Variants in ESRRG observed in about 807,000 individuals in gnomAD.
The protein encoded by ESRRG is estrogen related receptor gamma.
A neutral mutation model predicts 44.0 loss-of-function variants in ESRRG; 13 were observed. The ratio of observed to expected loss-of-function variants is 0.30; its 90% CI spans 0.19 to 0.47. The LOEUF (loss-of-function observed/expected upper bound fraction) is 0.47. Among genes scored for constraint, ESRRG ranks in the 20% least tolerant of loss-of-function variants. The pLI is 1.00. For missense variants in ESRRG, 395 were observed against 580.6 expected (o/e 0.68, Z 3.29); for synonymous variants, 215 against 214.6 (o/e 1.00, Z -0.02).
At chr1:216,612,536 C>A (rs75728947) in intron 3 of ESRRG, among the ~76,000 whole-genome samples, 1 of 152,122 alleles carries the variant, frequency 6.6e-6, no homozygotes, top group Non-Finnish European at 1.5e-5. Context: ...CTCTCCACCC[C>A]CCTCCTTTCT....
chr1:216,898,989 A>G (rs2058749603), intron 2 of ESRRG, among the ~76,000 whole-genome samples: 1 of 152,160 alleles, frequency 6.6e-6, no homozygotes, highest in African/African-American at 2.4e-5. Flanking sequence ...GGGGTAGAAC[A>G]GCACATTCTC....
At chr1:216,951,681 A>G (rs2066972375) in intron 1 of ESRRG, among the ~76,000 whole-genome samples, 1 of 151,378 alleles carries the variant, frequency 6.6e-6, no homozygotes, top group South Asian at 2.1e-4. Context: ...TTTAACTACT[A>G]TATAGCATAA....
At chr1:216,648,509 A>G (rs2068147242) in intron 3 of ESRRG, among the ~76,000 whole-genome samples, 1 of 152,212 alleles carries the variant, frequency 6.6e-6, no homozygotes. Context: ...ACTTTCACCA[A>G]CAATGTTTAA....
intron 5 of ESRRG, among the ~76,000 whole-genome samples, chr1:216,526,531 C>G (rs1450916880): frequency 6.6e-6 from 1 of 152,108 alleles, no homozygotes; most frequent in Non-Finnish European, 1.5e-5. Flanking sequence ...GAACCCAAAC[C>G]TCCTGCCACC....
chr1:216,984,514 T>G (rs2074543494), intron 1 of ESRRG, among the ~76,000 whole-genome samples: 1 of 152,190 alleles, frequency 6.6e-6, no homozygotes, highest in Admixed American at 6.5e-5. Context: ...CCTGATAATT[T>G]TAACCATTCC....
At chr1:217,096,004 A>G (rs1193186113) in intron 1 of ESRRG, among the ~76,000 whole-genome samples, 1 of 152,258 alleles carries the variant, frequency 6.6e-6, no homozygotes, top group African/African-American at 2.4e-5. Context: ...GTGAAAAATT[A>G]TAAATGTAAA....
Position 216,637,775 on chromosome 1 carries a change from G to GT in ESRRG, c.589+13197dup, listed in dbSNP as rs971262198. On this transcript the variant is annotated intron_variant, in intron 3 of 6. Transcript: ENST00000408911. ...GATCAAAACCAACATTATTCCTCAT[G>GT]TTTTTTTTTTCTCCTTTTTTTGGAT... Among the ~76,000 whole-genome samples the GT allele has an allele frequency of 2.9e-3, 430 of 147,088 alleles. 3 individuals are homozygous for GT. The highest frequency in any genetic ancestry group is 6.1e-3 in the Admixed American group (89 of 14,680).
intron 5 of ESRRG, among the ~76,000 whole-genome samples, chr1:216,528,158 A>G (rs912122124): frequency 3.3e-5 from 5 of 152,242 alleles, no homozygotes; most frequent in Admixed American, 6.5e-5. Flanking sequence ...ATACATCAAC[A>G]TATAACAAAA....
chr1:216,707,239 T>G (rs2082630065), intron 1 of ESRRG: 2 of 1,121,580 alleles, frequency 1.8e-6, no homozygotes, highest in South Asian at 3.1e-5. Context: ...AAAGCATTTT[T>G]TTTTCTTTTC....
At chr1:216,832,690 G>A (rs979143547) in intron 2 of ESRRG, among the ~76,000 whole-genome samples, 1 of 152,172 alleles carries the variant, frequency 6.6e-6, no homozygotes, top group Non-Finnish European at 1.5e-5. Context: ...CTGGCTGGGT[G>A]CAGTGGCTCA....
intron 1 of ESRRG, among the ~76,000 whole-genome samples, chr1:217,133,879 T>C (rs532737474): frequency 6.6e-6 from 1 of 152,096 alleles, no homozygotes; most frequent in Non-Finnish European, 1.5e-5. Context: ...TACTGAGACA[T>C]CGCACCTCCA....
chr1:217,131,222 C>A (rs780466154), intron 1 of ESRRG, among the ~76,000 whole-genome samples: 1 of 151,950 alleles, frequency 6.6e-6, no homozygotes, highest in African/African-American at 2.4e-5. Flanking sequence ...TTTTTAAACA[C>A]CTCAAAGAAA....
At chr1:216,541,584 GTGTGTGTGTGTGTGTGTGTGTGT>G (rs2052746021) in intron 5 of ESRRG, among the ~76,000 whole-genome samples, 3 of 147,800 alleles carry the variant, frequency 2.0e-5, no homozygotes, top group Admixed American at 6.7e-5. Context: ...GTGTGTGTGT[GTGTGTGTGTGTGTGTGTGTGTGT>G]ATGTGATCAG....
At chr1:217,073,195 G>GA (rs2090798059) in intron 1 of ESRRG, among the ~76,000 whole-genome samples, 1 of 19,498 alleles carries the variant, frequency 5.1e-5, no homozygotes, top group Non-Finnish European at 8.0e-5. Context: ...TTCCTTTCTG[G>GA]ACAAAAAAAA....
chr1:216,610,482 A>G (rs966271958), intron 3 of ESRRG, among the ~76,000 whole-genome samples: 6 of 152,130 alleles, frequency 3.9e-5, no homozygotes, highest in Admixed American at 2.6e-4. Context: ...ACCATCTTAA[A>G]CAGTCTCTGA....
intron 2 of ESRRG, among the ~76,000 whole-genome samples, chr1:216,785,308 G>C (rs913911897): frequency 2.0e-5 from 3 of 151,932 alleles, no homozygotes; most frequent in Non-Finnish European, 4.4e-5. Flanking sequence ...GTTACTATTG[G>C]GCAATGTCAA....
intron 2 of ESRRG, among the ~76,000 whole-genome samples, chr1:216,823,971 C>T (rs191504427): frequency 1.3e-5 from 2 of 152,266 alleles, no homozygotes. Context: ...CTCTACAGTA[C>T]TTGAGGGCAG....
chr1:216,597,464 G>A (rs921498495), intron 3 of ESRRG, among the ~76,000 whole-genome samples: 6 of 152,182 alleles, frequency 3.9e-5, no homozygotes, highest in Admixed American at 2.0e-4. Context: ...GAGAACAGCT[G>A]TGGCAGAAAA....
intron 2 of ESRRG, among the ~76,000 whole-genome samples, chr1:216,795,382 C>T (rs1354185365): frequency 3.5e-5 from 4 of 114,100 alleles, no homozygotes; most frequent in Non-Finnish European, 5.0e-5. Context: ...CTCACTTTGT[C>T]ACCCAGGCTG....
Sources: gnomAD v4.1 joint callset for allele counts (sites outside exome capture counted in the v4.1 genomes callset) on GRCh38, gnomAD v4.1.1 for gene constraint, MANE v1.5 for transcripts, NCBI Gene and HGNC (gene_info 2026-07-23, HGNC 2026-07-21) for gene names.